The following NCKAP1 variants were observed in gnomAD, a reference collection of about 807,000 sequenced individuals.
NCKAP1 encodes nck-associated protein 1.
In NCKAP1, 21 loss-of-function variants were observed where a neutral mutation model predicts 151.2. The observed-to-expected ratio is 0.14, with a 90% CI of 0.10 to 0.20. The LOEUF (loss-of-function observed/expected upper bound fraction) is 0.20, where lower values mean the gene tolerates loss of function less well. Ranked by LOEUF, NCKAP1 falls within the 10% of genes least tolerant of loss-of-function variation. The probability of loss-of-function intolerance (pLI) is 1.00; values close to 1 mark genes in which losing one functional copy is unlikely to be tolerated. For missense variants in NCKAP1, 933 were observed against 1,352.1 expected (o/e 0.69, Z 4.86); for synonymous variants, 484 against 451.8 (o/e 1.07, Z -0.90).
chr2:183,031,883 A>G (rs1699010683), intron 1 of NCKAP1, among the ~76,000 whole-genome samples: 1 of 152,222 alleles, frequency 6.6e-6, no homozygotes, highest in South Asian at 2.1e-4. Flanking sequence ...AATAAGTACC[A>G]TGGAGCTGGT....
At chr2:182,998,451 T>C (rs974652241) in intron 6 of NCKAP1, among the ~76,000 whole-genome samples, 2 of 152,160 alleles carry the variant, frequency 1.3e-5, no homozygotes, top group African/African-American at 4.8e-5. Flanking sequence ...CTAAATGACT[T>C]TGGCAAAGTC....
In NCKAP1 at chr2:182,951,123, G is replaced by A. The variant is rs1454497656; in HGVS notation, c.2601+1282C>T. On this transcript the variant is annotated intron_variant, in intron 23 of 30. Transcript: ENST00000361354. ...CTGGATTACAGGCATGAGCCACCAC[G>A]CCTGGCTGAAAGCTTGAGTTCTTAA... Among the ~76,000 whole-genome samples, 4 of 151,852 alleles carry A rather than the reference G, an allele frequency of 2.6e-5. No homozygotes were observed. In the East Asian group the frequency reaches 5.9e-4, roughly 22 times the overall value.
rs1696517012 is a variant in NCKAP1 at position 182,919,497 on chromosome 2, A to T, written c.*6205T>A. On this transcript the variant is annotated 3_prime_UTR_variant, in exon 31 of 31. Coordinates refer to ENST00000361354, the MANE Select transcript of NCKAP1 (RefSeq NM_013436.5). ...GTTATGGTCATACCTAATTAGTATGACATTCTGATTATTAACTGGATATTT... is the reference window on the plus strand; with the variant it reads ...GTTATGGTCATACCTAATTAGTATGTCATTCTGATTATTAACTGGATATTT... 6.6e-6 allele frequency: 1 copy of T among 152,204 alleles called. No homozygotes were observed. The highest frequency in any genetic ancestry group is 2.1e-4 in the South Asian group (1 of 4,836). The allele number at this position is 152,204 out of a possible 1,614,324, so 9.4% of individuals were successfully genotyped here. A position where few individuals can be genotyped will look rare whatever the true frequency, so the allele number is the denominator to read the frequency against.
intron 26 of NCKAP1, among the ~76,000 whole-genome samples, chr2:182,931,947 G>A (rs979687565): frequency 1.3e-5 from 2 of 152,040 alleles, no homozygotes; most frequent in South Asian, 2.1e-4. Context: ...TCACTAGATG[G>A]CTATGATTAA....
chr2:182,946,213 C>G (rs1254806249), intron 23 of NCKAP1, among the ~76,000 whole-genome samples: 3 of 152,094 alleles, frequency 2.0e-5, no homozygotes, highest in Non-Finnish European at 4.4e-5. Flanking sequence ...TCCTGGCTAA[C>G]ACGGTGAAAC....
chr2:182,927,659 C>T (rs1242137605), intron 29 of NCKAP1, among the ~76,000 whole-genome samples: 1 of 151,968 alleles, frequency 6.6e-6, no homozygotes, highest in Non-Finnish European at 1.5e-5. Flanking sequence ...GAATTTTTCA[C>T]CATTAATTGT....
chr2:182,968,534 T>C (rs557251603), intron 15 of NCKAP1, among the ~76,000 whole-genome samples: 2 of 152,246 alleles, frequency 1.3e-5, no homozygotes, highest in South Asian at 4.1e-4. Context: ...TGAGGTAATG[T>C]CTCCCTTGGA....
In NCKAP1 at chr2:182,924,263, ACTCT is replaced by A. The variant is rs1330030536; in HGVS notation, c.*1435_*1438del. 1 of 152,092 alleles carries A rather than the reference ACTCT, an allele frequency of 6.6e-6. No homozygotes were observed. The highest frequency in any genetic ancestry group is 1.5e-5 in the Non-Finnish European group (1 of 68,000). The allele number at this position is 152,092 out of a possible 1,614,324, so 9.4% of individuals were successfully genotyped here. On this transcript the variant is annotated 3_prime_UTR_variant, in exon 31 of 31. Transcript: ENST00000361354. ...TCTCATAGTACTTCAATTTCATTCT[ACTCT>A]CTATGTTTGAAGAAAGAAAAACATT...
chr2:182,953,199 T>G lies in NCKAP1; in HGVS notation c.2286A>C (p.Thr762=). 1 of 1,613,064 alleles carries G rather than the reference T, an allele frequency of 6.2e-7. No homozygotes were observed. Among genetic ancestry groups the G allele is most frequent in the Non-Finnish European group, 8.5e-7 (1 of 1,179,146 alleles). The change falls in exon 21 of 31, where the codon ACA becomes ACC. Residue 762 remains threonine, a synonymous_variant. Transcript: ENST00000361354. ...SIENYVQIDI[T]RVFNNVLLQQ... is the part of the protein sequence containing the mutation. ...GAAGAAGCACATTATTAAATACTCT[T>G]GTAATATCAATCTGCACATAGTTTT...
intron 15 of NCKAP1, among the ~76,000 whole-genome samples, chr2:182,975,860 A>T (rs1697811887): frequency 6.6e-6 from 1 of 152,196 alleles, no homozygotes; most frequent in Non-Finnish European, 1.5e-5. Context: ...AGCTATAACC[A>T]TACCACTGCA....
chr2:182,944,176 A>C (rs1302253399), intron 23 of NCKAP1, among the ~76,000 whole-genome samples: 3 of 152,204 alleles, frequency 2.0e-5, no homozygotes, highest in Non-Finnish European at 4.4e-5. Flanking sequence ...AAAGTTATTG[A>C]TTAATCTCAC....
rs1372443315 is a variant in NCKAP1 at position 182,982,871 on chromosome 2, A to C, written c.1158T>G (p.Leu386=). The C allele has an allele frequency of 6.2e-7, 1 of 1,612,280 alleles. No individual in the cohort carries two copies. Among genetic ancestry groups the C allele is most frequent in the Non-Finnish European group, 8.5e-7 (1 of 1,179,164 alleles). ...SFARDEIIWL[L]RHADNMPKKS... ...TCTTTGGCATGTTATCTGCATGACG[A>C]AGTAGCCAGATGATTTCATCACGGG... The change falls in exon 12 of 31, where the codon CTT becomes CTG. Residue 386 remains leucine, a synonymous_variant. Transcript: ENST00000361354.
chr2:183,023,977 C>A, intron 1 of NCKAP1, 61 bp from the exon 2 acceptor site: 2 of 1,182,752 alleles, frequency 1.7e-6, no homozygotes, highest in South Asian at 1.3e-5. Flanking sequence ...TCAAAAATAG[C>A]AAATCTGCAA....
chr2:183,002,310 T>C (rs765756612), intron 4 of NCKAP1, 41 bp from the exon 5 acceptor site: 2 of 1,331,360 alleles, frequency 1.5e-6, no homozygotes, highest in Admixed American at 5.0e-5. Flanking sequence ...TTCCTATTTC[T>C]TAAAATTTTA....
chr2:183,010,451 G>A (rs957838621), intron 2 of NCKAP1, among the ~76,000 whole-genome samples: 10 of 152,180 alleles, frequency 6.6e-5, no homozygotes, highest in African/African-American at 2.4e-4. Context: ...AGTGAGACCA[G>A]CAGAGAAACT....
In NCKAP1 at chr2:182,917,662, G is replaced by A. The variant is rs1696489588; in HGVS notation, c.*8040C>T. The A allele has an allele frequency of 6.6e-6, 1 of 152,204 alleles. No individual in the cohort carries two copies. The highest frequency in any genetic ancestry group is 2.4e-5 in the African/African-American group (1 of 41,458). 9.4% of individuals were successfully genotyped at this position (152,204 alleles called of 1,614,324 possible). The stretch of plus-strand genomic sequence containing the variant: ...TTTAATATTAGACCAAGTGTTGTAT[G>A]TTCCAGTGTAGGATCTCACTTCAAC... On this transcript the variant is annotated 3_prime_UTR_variant, in exon 31 of 31. Transcript: ENST00000361354.
chr2:182,996,494 T>C (rs535790736), intron 6 of NCKAP1, among the ~76,000 whole-genome samples: 1 of 152,162 alleles, frequency 6.6e-6, no homozygotes, highest in Non-Finnish European at 1.5e-5. Flanking sequence ...GTCTCGCTCT[T>C]TTGCCCAAGC....
intron 20 of NCKAP1, 93 bp downstream of exon 20, chr2:182,956,369 T>C: frequency 6.8e-7 from 1 of 1,461,420 alleles, no homozygotes; most frequent in Non-Finnish European, 9.4e-7. Flanking sequence ...CTAATCCAGT[T>C]CTACTAATGC....
intron 9 of NCKAP1, among the ~76,000 whole-genome samples, chr2:182,988,347 GC>G (rs1338511749): frequency 6.6e-6 from 1 of 152,084 alleles, no homozygotes; most frequent in African/African-American, 2.4e-5. Flanking sequence ...AAGCTAGGAA[GC>G]CCAACTTATA....
Sources: allele counts gnomAD v4.1 joint callset (sites outside exome capture counted in the v4.1 genomes callset), GRCh38; gene constraint gnomAD v4.1.1; transcripts MANE v1.5; gene names NCBI Gene and HGNC (gene_info 2026-07-23, HGNC 2026-07-21).